GALNT10: variants seen among roughly 807,000 people sequenced by gnomAD.
GALNT10 encodes GalNAc transferase 10.
Under a neutral mutation model 75.0 loss-of-function variants are expected in GALNT10, and 41 were observed. That is an observed-to-expected ratio of 0.55 (90% CI 0.43 to 0.71). GALNT10 has a LOEUF of 0.71. GALNT10 is among the 30% of genes least tolerant of loss of function. The pLI is 0.00. For synonymous variants in GALNT10, 302 were observed against 313.0 expected, an observed-to-expected ratio of 0.96 and a Z score of 0.37; for missense variants, 727 against 818.5, an observed-to-expected ratio of 0.89 and a Z score of 1.36.
chr5:154,394,641 C>T (rs1280454904), intron 7 of GALNT10, among the ~76,000 whole-genome samples: 1 of 152,180 alleles, frequency 6.6e-6, no homozygotes, highest in Non-Finnish European at 1.5e-5. Flanking sequence ...AGGTCAGGAC[C>T]AGCCCTGAGA....
At chr5:154,225,532 G>A (rs952986204) in intron 1 of GALNT10, among the ~76,000 whole-genome samples, 7 of 151,784 alleles carry the variant, frequency 4.6e-5, no homozygotes, top group Admixed American at 2.0e-4. Flanking sequence ...CTGGGACTAC[G>A]GGCATGTGCC....
intron 1 of GALNT10, among the ~76,000 whole-genome samples, chr5:154,276,711 A>G (rs1303588172): frequency 6.6e-6 from 1 of 152,210 alleles, no homozygotes; most frequent in Non-Finnish European, 1.5e-5. Flanking sequence ...AGGGAATAAC[A>G]TGTATATAAA....
intron 4 of GALNT10, among the ~76,000 whole-genome samples, chr5:154,359,536 T>TAAAAA (rs5872375): frequency 7.3e-6 from 1 of 136,892 alleles, no homozygotes; most frequent in African/African-American, 2.7e-5. Context: ...TTTCTTTCTT[T>TAAAAA]AAAAAAAAAA....
In GALNT10 at chr5:154,418,761, C is replaced by T. The variant is rs1286287814; in HGVS notation, c.*1789C>T. ...CCCAGCACAAGCCCTGCTTTGGCCACCTGTCTGCAAGAGAGGCGGCCCCTG... is the reference window on the plus strand; with the variant it reads ...CCCAGCACAAGCCCTGCTTTGGCCATCTGTCTGCAAGAGAGGCGGCCCCTG... On this transcript the variant is annotated 3_prime_UTR_variant, in exon 12 of 12. Coordinates refer to ENST00000297107, the MANE Select transcript of GALNT10 (RefSeq NM_198321.4). 6.6e-6 allele frequency: 1 copy of T among 152,210 alleles called. No homozygotes were observed. Among genetic ancestry groups the T allele is most frequent in the Non-Finnish European group, 1.5e-5 (1 of 68,046 alleles). 9.4% of individuals were successfully genotyped at this position (152,210 alleles called of 1,614,324 possible).
chr5:154,391,414 G>A (rs1238730731), intron 7 of GALNT10, among the ~76,000 whole-genome samples: 1 of 152,182 alleles, frequency 6.6e-6, no homozygotes, highest in Non-Finnish European at 1.5e-5. Context: ...TGTCCCAACA[G>A]CTCTGAAATT....
chr5:154,245,308 G>A (rs1435940292), intron 1 of GALNT10, among the ~76,000 whole-genome samples: 1 of 152,202 alleles, frequency 6.6e-6, no homozygotes, highest in Admixed American at 6.5e-5. Flanking sequence ...TGAGGGACAG[G>A]TGATGTTGAG....
Position 154,298,352 on chromosome 5 carries a change from T to G in GALNT10, c.401+273T>G, listed in dbSNP as rs1199103478. Among the ~76,000 whole-genome samples, 2 of 152,234 alleles carry G rather than the reference T, an allele frequency of 1.3e-5. No homozygotes were observed. The highest frequency in any genetic ancestry group is 1.3e-4 in the Admixed American group (2 of 15,288). On this transcript the variant is annotated intron_variant, in intron 3 of 11. Coordinates refer to ENST00000297107, the MANE Select transcript of GALNT10 (RefSeq NM_198321.4). This position sits in a 1 kb window ranked among gnomAD's most constrained non-coding sequence, Gnocchi z 4.1. ...CTGAAGGGAAGTTCAGACCCCAGTG[T>G]AGACGACAAGTTGTCATGCAGTTTT...
intron 4 of GALNT10, among the ~76,000 whole-genome samples, chr5:154,336,250 G>A (rs1165589332): frequency 2.0e-5 from 3 of 152,120 alleles, no homozygotes; most frequent in Non-Finnish European, 4.4e-5. Flanking sequence ...GGACATCTTG[G>A]CTGCTTCCGA....
At chr5:154,394,375 A>C (rs1402564148) in intron 7 of GALNT10, among the ~76,000 whole-genome samples, 2 of 151,218 alleles carry the variant, frequency 1.3e-5, no homozygotes, top group African/African-American at 4.9e-5. Flanking sequence ...CAGTGTTATC[A>C]AGAAGACTAA....
intron 4 of GALNT10, among the ~76,000 whole-genome samples, chr5:154,356,476 G>A (rs1755300330): frequency 6.6e-6 from 1 of 152,198 alleles, no homozygotes. Flanking sequence ...CTTGCTGGTG[G>A]CCCAGGAAGC....
chr5:154,304,585 G>A (rs1383678498), intron 3 of GALNT10, among the ~76,000 whole-genome samples: 4 of 152,100 alleles, frequency 2.6e-5, no homozygotes, highest in African/African-American at 9.7e-5. Context: ...TTTAAAAAAA[G>A]ATACTAGCTA....
At chr5:154,328,542 C>T (rs566186757) in intron 3 of GALNT10, among the ~76,000 whole-genome samples, 1 of 152,334 alleles carries the variant, frequency 6.6e-6, no homozygotes, top group East Asian at 1.9e-4. Flanking sequence ...GGGAGGGGGG[C>T]TCCCCGACAA....
chr5:154,389,690 A>G (rs985884274), intron 7 of GALNT10: 15 of 152,114 alleles, frequency 9.9e-5, no homozygotes, highest in Non-Finnish European at 2.2e-4. Context: ...GGCATTTACA[A>G]TAAATTCTAG....
chr5:154,212,318 G>A (rs1269313091), intron 1 of GALNT10, among the ~76,000 whole-genome samples: 1 of 152,172 alleles, frequency 6.6e-6, no homozygotes, highest in Non-Finnish European at 1.5e-5. Flanking sequence ...GTCATACAAT[G>A]GTAATGAATA....
At chr5:154,206,220 C>T (rs1302522531) in intron 1 of GALNT10, among the ~76,000 whole-genome samples, 1 of 152,146 alleles carries the variant, frequency 6.6e-6, no homozygotes, top group African/African-American at 2.4e-5. Context: ...TAACTAAAGC[C>T]ACTCTGCTTA....
At chr5:154,410,005 A>G (rs1376173101) in intron 9 of GALNT10, among the ~76,000 whole-genome samples, 2 of 152,180 alleles carry the variant, frequency 1.3e-5, no homozygotes, top group Non-Finnish European at 2.9e-5. Context: ...TTTCATCTTT[A>G]TATTATGCAG....
chr5:154,234,589 GA>G (rs1753216287), intron 1 of GALNT10, among the ~76,000 whole-genome samples: 1 of 152,212 alleles, frequency 6.6e-6, no homozygotes, highest in Non-Finnish European at 1.5e-5. Context: ...TTTAACACGT[GA>G]AGGAAGTAAG....
rs1273357262 is a variant in GALNT10 at position 154,409,125 on chromosome 5, G to A, written c.1165-416G>A. Reference sequence around the variant, plus strand: ...CCCAAGGCTGATGCCTGTTGGTTGTGATTGGTGGGGCTTAGGGAATGGGTC... The same window carrying A: ...CCCAAGGCTGATGCCTGTTGGTTGTAATTGGTGGGGCTTAGGGAATGGGTC... On this transcript the variant is annotated intron_variant, in intron 8 of 11. Transcript: ENST00000297107. This position sits in a 1 kb window ranked among gnomAD's most constrained non-coding sequence, Gnocchi z 4.5. Among the ~76,000 whole-genome samples the A allele has an allele frequency of 6.6e-6, 1 of 152,220 alleles. No individual in the cohort carries two copies. The highest frequency in any genetic ancestry group is 1.5e-5 in the Non-Finnish European group (1 of 68,042).
At chr5:154,337,136 C>T (rs1221995001) in intron 4 of GALNT10, among the ~76,000 whole-genome samples, 2 of 152,034 alleles carry the variant, frequency 1.3e-5, no homozygotes, top group Non-Finnish European at 2.9e-5. Context: ...TTTTAAAAGA[C>T]ACATTTATTC....
Sources: allele counts gnomAD v4.1 joint callset (sites outside exome capture counted in the v4.1 genomes callset), GRCh38; gene constraint gnomAD v4.1.1; non-coding constraint Gnocchi (gnomAD v3.1); transcripts MANE v1.5; gene names NCBI Gene and HGNC (gene_info 2026-07-23, HGNC 2026-07-21).